TAMM41: variants seen among roughly 807,000 people sequenced by gnomAD.
TAMM41 encodes phosphatidate cytidylyltransferase, mitochondrial.
TAMM41 carries 36 observed loss-of-function variants against 44.1 expected under a neutral mutation model. That is an observed-to-expected ratio of 0.82 (90% CI 0.63 to 1.08). The LOEUF is 1.08. Ranked by LOEUF, TAMM41 falls within the 50% of genes least tolerant of loss-of-function variation. The pLI, the probability that TAMM41 is intolerant of heterozygous loss-of-function variation, is 0.00. For synonymous variants in TAMM41, 164 were observed against 153.1 expected (o/e 1.07, Z -0.53); for missense variants, 417 against 404.3 (o/e 1.03, Z -0.27).
the TAMM41 span, among the ~76,000 whole-genome samples, chr3:11,741,161 G>C: frequency 7.3e-6 from 1 of 137,854 alleles, no homozygotes; most frequent in Non-Finnish European, 1.5e-5. Flanking sequence ...AGAGGTTGCA[G>C]TGAGCTGAGA....
intron 1 of TAMM41, chr3:11,844,903 A>G (rs1473252442): frequency 2.2e-6 from 1 of 456,700 alleles, no homozygotes; most frequent in East Asian, 7.0e-5. Context: ...CACTCAGCAT[A>G]GGGATCAGAT....
At position 11,817,315 on chromosome 3, in the gene TAMM41, T is replaced by C. The variant is rs2124985944; in HGVS notation, c.585A>G (p.Gly195=). 2 of 1,609,512 alleles carry C rather than the reference T, an allele frequency of 1.2e-6. No homozygotes were observed. The highest frequency in any genetic ancestry group is 1.7e-6 in the Non-Finnish European group (2 of 1,176,406). Residue 195 remains glycine, a synonymous_variant, in exon 5 of 8, where the codon GGA becomes GGG. Transcript: ENST00000455809. ...TATTCAACACTTTTGTTTTATCTTC[T>C]CCAACCACCATCCGAAAGTCACCTA... The part of the protein sequence containing the change: ...SYSGDFRMVV[G]EDKTKVLNIV...
At chr3:11,733,123 G>A in the TAMM41 span, among the ~76,000 whole-genome samples, 33 of 149,964 alleles carry the variant, frequency 2.2e-4, no homozygotes, top group Admixed American at 3.3e-4. Context: ...CACAGCCTCC[G>A]GAGTAGCTGG....
the TAMM41 span, among the ~76,000 whole-genome samples, chr3:11,759,761 G>A: frequency 6.6e-6 from 1 of 151,996 alleles, no homozygotes; most frequent in African/African-American, 2.4e-5. Context: ...ATCACTTGAC[G>A]TCAGGAGTCC....
At chr3:11,810,751 G>A (rs1388433247) in intron 5 of TAMM41, 2 of 152,024 alleles carry the variant, frequency 1.3e-5, no homozygotes, top group South Asian at 4.1e-4. Flanking sequence ...TTTTTAAATT[G>A]AATAAATATT....
chr3:11,729,268 T>C, the TAMM41 span, among the ~76,000 whole-genome samples: 1 of 152,114 alleles, frequency 6.6e-6, no homozygotes, highest in Non-Finnish European at 1.5e-5. Context: ...GTCTTTCCTA[T>C]AAATAAATTT....
At chr3:11,783,929 A>T in the TAMM41 span, among the ~76,000 whole-genome samples, 2 of 152,232 alleles carry the variant, frequency 1.3e-5, no homozygotes, top group African/African-American at 2.4e-5. Context: ...TGGGTTGTGT[A>T]AGGATGAATG....
the TAMM41 span, among the ~76,000 whole-genome samples, chr3:11,728,680 G>T: frequency 6.6e-6 from 1 of 152,140 alleles, no homozygotes; most frequent in African/African-American, 2.4e-5. Flanking sequence ...GTGATTGAGG[G>T]CGATGTTCCA....
the TAMM41 span, among the ~76,000 whole-genome samples, chr3:11,756,915 C>T: frequency 4.6e-5 from 7 of 151,678 alleles, no homozygotes; most frequent in East Asian, 1.4e-3. Flanking sequence ...TTCCAAAGCC[C>T]ATGATCTTTC....
the TAMM41 span, among the ~76,000 whole-genome samples, chr3:11,725,328 CTTT>C: frequency 5.1e-5 from 6 of 118,804 alleles, no homozygotes; most frequent in Non-Finnish European, 8.2e-5. Context: ...CCTCCTCCTC[CTTT>C]TTTTCTTCTC....
At chr3:11,773,323 A>G in the TAMM41 span, among the ~76,000 whole-genome samples, 1 of 151,918 alleles carries the variant, frequency 6.6e-6, no homozygotes, top group Admixed American at 6.6e-5. Context: ...TTGCTTAAAA[A>G]AAAAAAAGCT....
At chr3:11,788,182 T>A (rs775584551), downstream of TAMM41, among the ~76,000 whole-genome samples, 19 of 152,132 alleles carry the variant, frequency 1.2e-4, no homozygotes, top group Non-Finnish European at 2.6e-4. Context: ...CCAATGAGTA[T>A]CTAGTTGGTA....
rs149627213 is a variant in TAMM41 at position 11,833,236 on chromosome 3, A to T, written c.412-3372T>A. 159 of 1,077,048 alleles carry T rather than the reference A, an allele frequency of 1.5e-4. 2 individuals carry two copies. The East Asian group carries it at 0.011, about 72-fold the overall frequency. 66.7% of individuals were successfully genotyped at this position (1,077,048 alleles called of 1,614,324 possible). A position where few individuals can be genotyped will look rare whatever the true frequency, so the allele number is the denominator to read the frequency against. ...CCCCGACCTGAACTGCATAGATAAC[A>T]TTAGCACGACTGCCAGGGAGGAAAA... On this transcript the variant is annotated intron_variant, in intron 3 of 7. Transcript: ENST00000455809.
chr3:11,731,322 CAT>C, the TAMM41 span, among the ~76,000 whole-genome samples: 1 of 152,036 alleles, frequency 6.6e-6, no homozygotes, highest in Non-Finnish European at 1.5e-5. Flanking sequence ...CTTTCCAGGA[CAT>C]AGAAGCGTTA....
intron 3 of TAMM41, among the ~76,000 whole-genome samples, chr3:11,836,711 G>A (rs2347107): frequency 0.38 from 57,632 of 152,050 alleles, 11,519 homozygotes; most frequent in Admixed American, 0.47. Flanking sequence ...TGATCCACCC[G>A]CCTCAGCCTC....
chr3:11,845,840 A>G (rs967155554), intron 1 of TAMM41, among the ~76,000 whole-genome samples: 2 of 152,174 alleles, frequency 1.3e-5, no homozygotes, highest in Admixed American at 1.3e-4. Context: ...TGCTGAGCCA[A>G]CTCTGAAAAG....
chr3:11,772,440 GACA>G, the TAMM41 span, among the ~76,000 whole-genome samples: 5 of 152,118 alleles, frequency 3.3e-5, no homozygotes, highest in African/African-American at 1.2e-4. Context: ...TGTCACAAGT[GACA>G]ACAAGCGGTA....
At chr3:11,740,023 A>G in the TAMM41 span, among the ~76,000 whole-genome samples, 1 of 152,174 alleles carries the variant, frequency 6.6e-6, no homozygotes, top group African/African-American at 2.4e-5. Flanking sequence ...ATCAGAGCTC[A>G]TGTATTGGGC....
the TAMM41 span, among the ~76,000 whole-genome samples, chr3:11,769,693 A>G: frequency 3.9e-5 from 6 of 152,254 alleles, no homozygotes; most frequent in African/African-American, 1.4e-4. Flanking sequence ...AATGAAGGCA[A>G]GGAGACCACT....
Sources: gnomAD v4.1 joint callset for allele counts (sites outside exome capture counted in the v4.1 genomes callset) on GRCh38, gnomAD v4.1.1 for gene constraint, MANE v1.5 for transcripts, NCBI Gene and HGNC (gene_info 2026-07-23, HGNC 2026-07-21) for gene names.